Variants in ESCO1 observed in about 807,000 individuals in gnomAD.
The protein encoded by ESCO1 is establishment of sister chromatid cohesion N-acetyltransferase 1, also known as N-acetyltransferase ESCO1.
A neutral mutation model predicts 83.5 loss-of-function variants in ESCO1; 33 were observed. The ratio of observed to expected loss-of-function variants is 0.40; its 90% CI spans 0.30 to 0.53. The LOEUF (loss-of-function observed/expected upper bound fraction) is 0.53, where lower values mean the gene tolerates loss of function less well. Among genes scored for constraint, ESCO1 ranks in the 20% least tolerant of loss-of-function variants. The pLI, the probability that ESCO1 is intolerant of heterozygous loss-of-function variation, is 0.63. For missense variants in ESCO1, 855 were observed against 968.0 expected, an observed-to-expected ratio of 0.88 and a Z score of 1.55; for synonymous variants, 332 against 324.3, an observed-to-expected ratio of 1.02 and a Z score of -0.25.
rs1044601663 is a variant in ESCO1 at position 21,561,133 on chromosome 18, C to T, written c.1822-143G>A. 14 of 804,022 alleles carry T rather than the reference C, an allele frequency of 1.7e-5. No homozygotes were observed. In the East Asian group the frequency reaches 3.3e-4, roughly 19 times the overall value. 49.8% of individuals were successfully genotyped at this position (804,022 alleles called of 1,614,324 possible). On this transcript the variant is annotated intron_variant, in intron 7 of 11. Transcript: ENST00000269214. ...ATTCAATGTTAATTACTAAAAATAA[C>T]ACGTTAATCTGAAATCTGCATGTAA...
intron 1 of ESCO1, among the ~76,000 whole-genome samples, chr18:21,594,537 C>A (rs960931643): frequency 2.0e-5 from 3 of 152,112 alleles, no homozygotes; most frequent in Non-Finnish European, 4.4e-5. Context: ...AACCCCATCT[C>A]TACTAAAAAT....
At chr18:21,552,864 A>G (rs893711425) in intron 8 of ESCO1, among the ~76,000 whole-genome samples, 1 of 152,260 alleles carries the variant, frequency 6.6e-6, no homozygotes, top group Non-Finnish European at 1.5e-5. Flanking sequence ...ATGCAGAAAT[A>G]TAAGTAACAT....
intron 10 of ESCO1, among the ~76,000 whole-genome samples, chr18:21,533,762 C>CA (rs1179962390): frequency 6.6e-6 from 1 of 152,166 alleles, no homozygotes; most frequent in East Asian, 1.9e-4. Context: ...TTCAGTATGG[C>CA]AAACTTCTAT....
At chr18:21,557,875 G>A (rs2038132391) in intron 8 of ESCO1, among the ~76,000 whole-genome samples, 1 of 152,034 alleles carries the variant, frequency 6.6e-6, no homozygotes, top group African/African-American at 2.4e-5. Flanking sequence ...CCTTAGTTCT[G>A]GAAGGAAACT....
At chr18:21,545,727 G>C (rs2037965591) in intron 8 of ESCO1, among the ~76,000 whole-genome samples, 1 of 151,894 alleles carries the variant, frequency 6.6e-6, no homozygotes, top group Non-Finnish European at 1.5e-5. Context: ...TCAGGAGTTC[G>C]AGACCAGCCT....
chr18:21,548,351 T>G (rs1284501991), intron 8 of ESCO1, among the ~76,000 whole-genome samples: 1 of 151,198 alleles, frequency 6.6e-6, no homozygotes, highest in Non-Finnish European at 1.5e-5. Flanking sequence ...AAAAATTAGC[T>G]GAGTGTGATG....
At chr18:21,545,327 A>G (rs2037959464) in intron 8 of ESCO1, among the ~76,000 whole-genome samples, 1 of 152,114 alleles carries the variant, frequency 6.6e-6, no homozygotes, top group Admixed American at 6.6e-5. Flanking sequence ...TAATCCCAGC[A>G]CTTTGGGAGG....
chr18:21,532,373 A>G, intron 11 of ESCO1, 100 bp downstream of exon 11: 1 of 1,287,652 alleles, frequency 7.8e-7, no homozygotes, highest in Non-Finnish European at 1.1e-6. Context: ...TAATACAAAT[A>G]AAGATTATAC....
chr18:21,592,330 C>T (rs1252363110), intron 1 of ESCO1, among the ~76,000 whole-genome samples: 1 of 149,848 alleles, frequency 6.7e-6, no homozygotes, highest in Non-Finnish European at 1.5e-5. Context: ...GGCGGCCGGG[C>T]AGAGGCGCCC....
intron 1 of ESCO1, among the ~76,000 whole-genome samples, chr18:21,596,139 A>G (rs1465993996): frequency 1.3e-5 from 2 of 151,956 alleles, no homozygotes; most frequent in Non-Finnish European, 2.9e-5. Context: ...CCATAATACC[A>G]GCACTTTGGG....
rs777521335 is a variant in ESCO1 at position 21,573,360 on chromosome 18, G to C, written c.1484C>G (p.Pro495Arg). 13 of 1,592,020 alleles carry C rather than the reference G, an allele frequency of 8.2e-6. No individual in the cohort carries two copies. Among genetic ancestry groups the C allele is most frequent in the Non-Finnish European group, 1.1e-5 (13 of 1,174,914 alleles). Residue 495 changes from proline (P) to arginine (R), a missense_variant, in exon 4 of 12, where the codon CCA becomes CGA. Physicochemically the swap from Pro to Arg is moderately radical, Grantham distance 103 (BLOSUM62 -2). This residue lies in a region of ESCO1 where 726 missense variants were observed against 699.5 expected (regional missense o/e 1.04). Coordinates refer to ENST00000269214, the MANE Select transcript of ESCO1 (RefSeq NM_052911.3). ...LANEIKPSDPPLDNQMKHSFD... is the reference protein window; with the variant it reads ...LANEIKPSDPRLDNQMKHSFD... ...AGAATGTTTCATCTGATTATCCAAT[G>C]GTGGGTCAGAAGGTTTTATCTCATT... is the stretch of plus-strand genomic sequence containing the variant.
intron 8 of ESCO1, among the ~76,000 whole-genome samples, chr18:21,558,333 A>G (rs951887317): frequency 6.6e-6 from 1 of 152,204 alleles, no homozygotes; most frequent in African/African-American, 2.4e-5. Context: ...TTTTGAAAAT[A>G]CGACTTTTAG....
At chr18:21,569,978 A>G (rs1472995456) in intron 4 of ESCO1, among the ~76,000 whole-genome samples, 1 of 152,258 alleles carries the variant, frequency 6.6e-6, no homozygotes, top group Middle Eastern at 3.2e-3. Context: ...CCTTGAATAC[A>G]GCAGGCACTC....
At chr18:21,581,054 G>T (rs560879351) in intron 2 of ESCO1, among the ~76,000 whole-genome samples, 1 of 152,138 alleles carries the variant, frequency 6.6e-6, no homozygotes, top group South Asian at 2.1e-4. Context: ...GCTCACACCT[G>T]TAATCCCAGC....
At chr18:21,579,772 A>G (rs1297953394) in intron 2 of ESCO1, among the ~76,000 whole-genome samples, 1 of 49,894 alleles carries the variant, frequency 2.0e-5, no homozygotes, top group African/African-American at 9.0e-5. Context: ...CGAGATTCTG[A>G]CACACACACA....
At chr18:21,556,175 GC>G (rs1173249398) in intron 8 of ESCO1, among the ~76,000 whole-genome samples, 1 of 152,090 alleles carries the variant, frequency 6.6e-6, no homozygotes, top group Non-Finnish European at 1.5e-5. Context: ...GATTGCTGGA[GC>G]CCAGGAGTTT....
At chr18:21,570,540 T>C (rs1386571176) in intron 4 of ESCO1, among the ~76,000 whole-genome samples, 1 of 152,248 alleles carries the variant, frequency 6.6e-6, no homozygotes, top group Non-Finnish European at 1.5e-5. Flanking sequence ...GCTAGTATTT[T>C]TGTAAAACAC....
At chr18:21,597,748 G>A (rs893628477) in intron 1 of ESCO1, among the ~76,000 whole-genome samples, 2 of 152,104 alleles carry the variant, frequency 1.3e-5, no homozygotes, top group Admixed American at 6.6e-5. Context: ...TACCCTCTGA[G>A]TTTTTGTGTG....
At position 21,587,576 on chromosome 18, in the gene ESCO1, T is replaced by C. The variant is rs572169329; in HGVS notation, c.-824-3136A>G. ...TTTTAGTAATATCTCTCATTCCTTA[T>C]TTTAGTAATTTCTCTCATTCCTTAT... On this transcript the variant is annotated intron_variant, in intron 1 of 11. Transcript: ENST00000269214. Among the ~76,000 whole-genome samples, 7 of 152,328 alleles carry C rather than the reference T, an allele frequency of 4.6e-5. No homozygotes were observed. In the South Asian group the frequency reaches 1.5e-3, roughly 32 times the overall value.
Sources: gnomAD v4.1 joint callset for allele counts (sites outside exome capture counted in the v4.1 genomes callset) on GRCh38, gnomAD v4.1.1 for gene constraint, gnomAD v4.1.1 regional missense constraint, MANE v1.5 for transcripts, NCBI Gene and HGNC (gene_info 2026-07-23, HGNC 2026-07-21) for gene names.